Variants in CERS5 observed in about 807,000 individuals in gnomAD.
CERS5 encodes ceramide synthase 5, also known as LAG1 homolog, ceramide synthase 5.
In CERS5, 37 loss-of-function variants were observed where a neutral mutation model predicts 58.9. The ratio of observed to expected loss-of-function variants is 0.63; its 90% CI spans 0.48 to 0.83. The LOEUF is 0.83. Among genes scored for constraint, CERS5 ranks in the 40% least tolerant of loss-of-function variants. The probability of loss-of-function intolerance (pLI) is 0.00; values close to 1 mark genes in which losing one functional copy is unlikely to be tolerated. For missense variants in CERS5, 398 were observed against 489.3 expected (o/e 0.81, Z 1.76); for synonymous variants, 147 against 177.8 (o/e 0.83, Z 1.38).
At chr12:50,132,229 G>A (rs575231326) in intron 9 of CERS5, among the ~76,000 whole-genome samples, 2 of 151,804 alleles carry the variant, frequency 1.3e-5, no homozygotes, top group South Asian at 2.1e-4. Context: ...AAGAAACCCC[G>A]TCTCTACTAA....
At chr12:50,143,766 A>G in intron 2 of CERS5, 186 bp downstream of exon 2, 2 of 513,284 alleles carry the variant, frequency 3.9e-6, no homozygotes, top group East Asian at 6.0e-5. Context: ...CGTAAACTTG[A>G]CATACGTAGG....
intron 4 of CERS5, among the ~76,000 whole-genome samples, chr12:50,139,832 T>C (rs1021309559): frequency 6.6e-6 from 1 of 152,122 alleles, no homozygotes; most frequent in African/African-American, 2.4e-5. Flanking sequence ...ATGTATCCAT[T>C]GTTTTTCTAA....
rs779197897 is a variant in CERS5 at position 50,137,720 on chromosome 12, G to T, written c.636+8C>A. The T allele has an allele frequency of 2.6e-6, 4 of 1,536,612 alleles. No homozygotes were observed. The highest frequency in any genetic ancestry group is 3.6e-6 in the Non-Finnish European group (4 of 1,114,468). Reference sequence around the variant, plus strand: ...AAGTTGGGGAATTGAGGGAGCCAACGTCCTTACCTTTCTTTTAATGTCTGT... The same window carrying T: ...AAGTTGGGGAATTGAGGGAGCCAACTTCCTTACCTTTCTTTTAATGTCTGT... On this transcript the variant is annotated splice_region_variant and intron_variant, in intron 6 of 9. Transcript: ENST00000317551.
chr12:50,141,866 C>T (rs1951985295), intron 4 of CERS5, among the ~76,000 whole-genome samples, 187 bp downstream of exon 4: 1 of 142,434 alleles, frequency 7.0e-6, no homozygotes, highest in Admixed American at 7.5e-5. Flanking sequence ...TTGAACCCAA[C>T]AGGCAGAGGT....
At position 50,130,534 on chromosome 12, in the gene CERS5, T is replaced by TA; in HGVS notation, c.*10dup. The TA allele has an allele frequency of 6.3e-7, 1 of 1,586,032 alleles. No homozygotes were observed. The highest frequency in any genetic ancestry group is 1.3e-5 in the African/African-American group (1 of 74,578). On this transcript the variant is annotated 3_prime_UTR_variant, in exon 10 of 10. Transcript: ENST00000317551. Reference sequence around the variant, plus strand: ...AAGTCCATGTGTGCTGAAGTCCCTATAGCAACCACCTTACTCTTCAGCCCA... The same window carrying TA: ...AAGTCCATGTGTGCTGAAGTCCCTATAAGCAACCACCTTACTCTTCAGCCCA...
Position 50,157,559 on chromosome 12 carries a change from C to G in CERS5, c.197+9542G>C, listed in dbSNP as rs112994071. Among the ~76,000 whole-genome samples, 790 of 151,980 alleles carry G rather than the reference C, an allele frequency of 5.2e-3. 5 individuals carry two copies. Among genetic ancestry groups the G allele is most frequent in the African/African-American group, 0.018 (739 of 41,454 alleles). On this transcript the variant is annotated intron_variant, in intron 1 of 9. Transcript: ENST00000317551. ...CAGAGCCCAATCTGAAGGTCATTCC[C>G]CAAAAATAAGGCAGTTCATTCAAGA...
intron 6 of CERS5, among the ~76,000 whole-genome samples, chr12:50,136,452 G>A (rs1161758799): frequency 2.0e-5 from 3 of 146,652 alleles, no homozygotes; most frequent in Non-Finnish European, 3.0e-5. Flanking sequence ...CAGCCTGGGC[G>A]ACAGACTGAG....
At chr12:50,143,379 C>G in intron 2 of CERS5, 175 bp from the exon 3 acceptor site, 1 of 652,846 alleles carries the variant, frequency 1.5e-6, no homozygotes, top group Non-Finnish European at 2.6e-6. Flanking sequence ...ATATCAAGGA[C>G]CTGTACTGCT....
In CERS5 at chr12:50,138,590, A is replaced by G; in HGVS notation, c.520T>C (p.Cys174Arg). The G allele has an allele frequency of 6.2e-7, 1 of 1,613,886 alleles. No individual in the cohort carries two copies. Residue 174 changes from cysteine (C) to arginine (R), a missense_variant, in exon 5 of 10, where the codon TGC (cysteine) becomes CGC (arginine). Cys to Arg is a radical substitution (Grantham distance 180). Coordinates refer to ENST00000317551, the MANE Select transcript of CERS5 (RefSeq NM_147190.5). Reference sequence around the variant, plus strand: ...ACCTGAAATGGATAGTTATGCCAGCACTGTCGGATGTCCCAGAACCAAGGT... The same window carrying G: ...ACCTGAAATGGATAGTTATGCCAGCGCTGTCGGATGTCCCAGAACCAAGGT... ...SSPWFWDIRQCWHNYPFQPLS... is the reference protein window; with the variant it reads ...SSPWFWDIRQRWHNYPFQPLS...
At chr12:50,133,665 G>T (rs1264532393) in intron 9 of CERS5, 1 of 985,410 alleles carries the variant, frequency 1.0e-6, no homozygotes, top group Non-Finnish European at 1.2e-6. Flanking sequence ...GGTAGGAAAT[G>T]GTTGAGGCCA....
chr12:50,166,279 T>C, intron 1 of CERS5: 1 of 150,688 alleles, frequency 6.6e-6, no homozygotes, highest in Non-Finnish European at 1.4e-5. Context: ...GCCGAGATCG[T>C]GCCATTGCAC....
chr12:50,149,464 G>C (rs1207506524), intron 1 of CERS5, among the ~76,000 whole-genome samples: 1 of 152,188 alleles, frequency 6.6e-6, no homozygotes, highest in African/African-American at 2.4e-5. Flanking sequence ...AAATTACCTA[G>C]TGCTTTCGCT....
intron 8 of CERS5, chr12:50,135,294 AAG>A (rs1211849270): frequency 2.1e-3 from 337 of 163,114 alleles, no homozygotes; most frequent in South Asian, 2.8e-3. Context: ...GAGAGGGAGG[AAG>A]AGAGAGAGAG....
At position 50,166,372 on chromosome 12, in the gene CERS5, A is replaced by G. The variant is rs190549078; in HGVS notation, c.197+729T>C. ...AAGAAAAAAGAATCTGGCTCAATATAGCTGTCCTCTGATAAAGCCCTGTGG... is the reference window on the plus strand; with the variant it reads ...AAGAAAAAAGAATCTGGCTCAATATGGCTGTCCTCTGATAAAGCCCTGTGG... On this transcript the variant is annotated intron_variant, in intron 1 of 9. Transcript: ENST00000317551. 1.9e-4 allele frequency: 32 copies of G among 165,580 alleles called. No homozygotes were observed. The East Asian group carries it at 5.9e-3, about 30-fold the overall frequency. The allele number at this position is 165,580 out of a possible 1,614,324, so 10.3% of individuals were successfully genotyped here. A position where few individuals can be genotyped will look rare whatever the true frequency, so the allele number is the denominator to read the frequency against.
rs1440796455 is a variant in CERS5 at position 50,167,332 on chromosome 12, C to A, written c.-35G>T. 7 of 1,465,534 alleles carry A rather than the reference C, an allele frequency of 4.8e-6. No individual in the cohort carries two copies. Among genetic ancestry groups the A allele is most frequent in the South Asian group, 1.4e-5 (1 of 72,110 alleles). The allele number at this position is 1,465,534 out of a possible 1,614,324, so 90.8% of individuals were successfully genotyped here. A position where few individuals can be genotyped will look rare whatever the true frequency, so the allele number is the denominator to read the frequency against. On this transcript the variant is annotated 5_prime_UTR_variant, in exon 1 of 10. Coordinates refer to ENST00000317551, the MANE Select transcript of CERS5 (RefSeq NM_147190.5). ...ACCCCGAAGCCACCGCCGCCACAAG[C>A]GTCAGCTGCCGCCACAGCCAACGGA...
intron 5 of CERS5, among the ~76,000 whole-genome samples, chr12:50,138,192 C>T (rs1321431168): frequency 6.6e-6 from 1 of 152,152 alleles, no homozygotes; most frequent in Non-Finnish European, 1.5e-5. Flanking sequence ...GTATAGGTTA[C>T]AACCAAGATG....
intron 1 of CERS5, among the ~76,000 whole-genome samples, chr12:50,156,434 ATAT>A (rs1306905312): frequency 1.5e-5 from 2 of 132,886 alleles, no homozygotes; most frequent in Non-Finnish European, 3.2e-5. Context: ...ATATATATAT[ATAT>A]AAAACAATTA....
At chr12:50,150,024 G>A (rs978065547) in intron 1 of CERS5, among the ~76,000 whole-genome samples, 3 of 152,226 alleles carry the variant, frequency 2.0e-5, no homozygotes, top group Admixed American at 2.0e-4. Context: ...TTACAGGCGT[G>A]AGCCAGCATA....
At chr12:50,134,839 C>T in intron 8 of CERS5, 137 bp from the exon 9 acceptor site, 2 of 711,532 alleles carry the variant, frequency 2.8e-6, no homozygotes, top group Non-Finnish European at 4.6e-6. Flanking sequence ...GGACCGTCAT[C>T]CACAGTAAGA....
Sources: gnomAD v4.1 joint callset for allele counts (sites outside exome capture counted in the v4.1 genomes callset) on GRCh38, gnomAD v4.1.1 for gene constraint, MANE v1.5 for transcripts, NCBI Gene and HGNC (gene_info 2026-07-23, HGNC 2026-07-21) for gene names.